Variants in SPAG16 observed in about 807,000 individuals in gnomAD.
The protein encoded by SPAG16 is sperm-associated antigen 16 protein.
In SPAG16, 86 loss-of-function variants were observed where a neutral mutation model predicts 80.4. The ratio of observed to expected loss-of-function variants is 1.07; its 90% confidence interval spans 0.90 to 1.28. The LOEUF is 1.28. SPAG16 is among the 50% of genes most tolerant of loss of function. The pLI, the probability that SPAG16 is intolerant of heterozygous loss-of-function variation, is 0.00. For synonymous variants in SPAG16, 294 were observed against 265.9 expected, an observed-to-expected ratio of 1.11 and a Z score of -1.03; for missense variants, 870 against 765.3, an observed-to-expected ratio of 1.14 and a Z score of -1.61.
chr2:214,266,381 CA>C (rs879552712), intron 15 of SPAG16, among the ~76,000 whole-genome samples: 11 of 151,870 alleles, frequency 7.2e-5, no homozygotes, highest in Admixed American at 3.3e-4. Context: ...TATCTATTGC[CA>C]ATAGATAGAC....
chr2:214,051,181 G>A (rs1002745393), intron 13 of SPAG16, among the ~76,000 whole-genome samples: 2 of 152,164 alleles, frequency 1.3e-5, no homozygotes, highest in Non-Finnish European at 2.9e-5. Context: ...TTTCAAGGAC[G>A]ACGTAAAATA....
chr2:214,109,891 C>T (rs1469565689), intron 14 of SPAG16, among the ~76,000 whole-genome samples: 1 of 152,156 alleles, frequency 6.6e-6, no homozygotes, highest in Admixed American at 6.6e-5. Flanking sequence ...TATAGCTTCA[C>T]ATGCCCTACA....
At chr2:213,888,896 A>G (rs866719466) in intron 11 of SPAG16, among the ~76,000 whole-genome samples, 5 of 152,006 alleles carry the variant, frequency 3.3e-5, no homozygotes, top group African/African-American at 1.2e-4. Flanking sequence ...CAATGCACAG[A>G]ACGTAATCAA....
At position 214,335,755 on chromosome 2, in the gene SPAG16, CTTTTT is replaced by C. The variant is rs71037369; in HGVS notation, c.1721-74367_1721-74363del. 3.5e-3 allele frequency among the ~76,000 whole-genome samples: 313 copies of C among 90,560 alleles called. 1 individual carries two copies. Among genetic ancestry groups the C allele is most frequent in the Middle Eastern group, 0.02 (3 of 148 alleles). 59.4% of individuals were successfully genotyped at this position (90,560 alleles called of 152,430 possible). On this transcript the variant is annotated intron_variant, in intron 15 of 15. Coordinates refer to ENST00000331683, the MANE Select transcript of SPAG16 (RefSeq NM_024532.5). ...TGTCTATTATTTTATTATTAGGATT[CTTTTT>C]TTTTTTTTTTTTTTTTTGAGATGGA...
chr2:214,278,472 G>A (rs1175624640), intron 15 of SPAG16, among the ~76,000 whole-genome samples: 1 of 152,020 alleles, frequency 6.6e-6, no homozygotes, highest in Non-Finnish European at 1.5e-5. Context: ...CCTCTTTCAA[G>A]GTATGAAAGA....
intron 9 of SPAG16, among the ~76,000 whole-genome samples, chr2:213,388,045 C>T (rs1337771872): frequency 6.6e-6 from 1 of 152,098 alleles, no homozygotes; most frequent in Non-Finnish European, 1.5e-5. Context: ...CTTTCAATGT[C>T]CACAGGAAGG....
chr2:213,398,237 G>A (rs1191664280), intron 9 of SPAG16, among the ~76,000 whole-genome samples: 1 of 147,750 alleles, frequency 6.8e-6, no homozygotes, highest in Non-Finnish European at 1.5e-5. Context: ...CTCTGCTTTT[G>A]TCTTTACTTT....
intron 10 of SPAG16, among the ~76,000 whole-genome samples, chr2:213,536,697 T>G (rs1477093661): frequency 6.6e-6 from 1 of 152,168 alleles, no homozygotes; most frequent in Admixed American, 6.5e-5. Context: ...TCTTGTAAAT[T>G]TGTTTGAGTT....
chr2:213,554,718 G>A lies in SPAG16; in HGVS notation c.1070+64628G>A, dbSNP rs139015790. On this transcript the variant is annotated intron_variant, in intron 10 of 15. Transcript: ENST00000331683. ...TAGAGCTGAAAAAATACGATGCAAT[G>A]GAAAGTGTCAAAGCAGAATTAGTCA... Among the ~76,000 whole-genome samples the A allele has an allele frequency of 7.9e-4, 120 of 151,480 alleles. 2 individuals carry two copies. Among genetic ancestry groups the A allele is most frequent in the Middle Eastern group, 3.4e-3 (1 of 290 alleles).
chr2:213,388,654 A>C (rs945338345), intron 9 of SPAG16, among the ~76,000 whole-genome samples: 11 of 152,236 alleles, frequency 7.2e-5, no homozygotes, highest in African/African-American at 2.7e-4. Flanking sequence ...CCAGACTCCA[A>C]ATTACAACAC....
chr2:214,405,624 C>T (rs1701953115), intron 15 of SPAG16, among the ~76,000 whole-genome samples: 1 of 152,056 alleles, frequency 6.6e-6, no homozygotes, highest in Admixed American at 6.5e-5. Context: ...GGTGAAGCCC[C>T]ATCTCTACTA....
intron 8 of SPAG16, chr2:213,365,427 G>A (rs1271207447): frequency 6.6e-6 from 1 of 152,022 alleles, no homozygotes; most frequent in Admixed American, 6.6e-5. Context: ...GCAAATTGAA[G>A]TTCTACAGCT....
intron 9 of SPAG16, among the ~76,000 whole-genome samples, chr2:213,433,633 A>T (rs1683238178): frequency 6.6e-6 from 1 of 152,200 alleles, no homozygotes; most frequent in Admixed American, 6.5e-5. Flanking sequence ...TCCCATGCTC[A>T]TGGAGTGGAA....
At chr2:213,546,169 A>G (rs2076605770) in intron 10 of SPAG16, among the ~76,000 whole-genome samples, 1 of 152,054 alleles carries the variant, frequency 6.6e-6, no homozygotes, top group Non-Finnish European at 1.5e-5. Flanking sequence ...CTCTACTTTT[A>G]CTTTAATTTA....
chr2:213,311,705 A>G (rs1438586601), intron 4 of SPAG16, among the ~76,000 whole-genome samples: 2 of 151,564 alleles, frequency 1.3e-5, no homozygotes, highest in East Asian at 1.9e-4. Context: ...TGTATTGAAT[A>G]CCTTATTTCA....
At chr2:214,030,440 T>C (rs1180006465) in intron 13 of SPAG16, among the ~76,000 whole-genome samples, 1 of 152,196 alleles carries the variant, frequency 6.6e-6, no homozygotes, top group East Asian at 1.9e-4. Context: ...GATAAATGGA[T>C]AAACACACTT....
chr2:213,677,709 C>G (rs146308246), intron 10 of SPAG16, among the ~76,000 whole-genome samples: 15 of 152,162 alleles, frequency 9.9e-5, no homozygotes, highest in Non-Finnish European at 2.1e-4. Context: ...GACAGATCAA[C>G]GAGACAAAAG....
chr2:214,080,726 A>C (rs1576102380), intron 13 of SPAG16, among the ~76,000 whole-genome samples: 3 of 152,192 alleles, frequency 2.0e-5, no homozygotes, highest in Non-Finnish European at 4.4e-5. Context: ...TGTCTAATTT[A>C]TTAGCCGAAA....
At chr2:213,497,060 A>G (rs1039503) in intron 10 of SPAG16, among the ~76,000 whole-genome samples, 2,205 of 152,020 alleles carry the variant, frequency 0.015, 23 homozygotes, top group South Asian at 0.036. Flanking sequence ...AACACTTGTG[A>G]TCATTACTTA....
Sources: gnomAD v4.1 joint callset for allele counts (sites outside exome capture counted in the v4.1 genomes callset) on GRCh38, gnomAD v4.1.1 for gene constraint, MANE v1.5 for transcripts, NCBI Gene and HGNC (gene_info 2026-07-23, HGNC 2026-07-21) for gene names.